FBXL7: variants seen among roughly 807,000 people sequenced by gnomAD.
The protein encoded by FBXL7 is F-box/LRR-repeat protein 7.
A neutral mutation model predicts 38.3 loss-of-function variants in FBXL7; 12 were observed. The ratio of observed to expected loss-of-function variants is 0.31; its 90% CI spans 0.20 to 0.51. The LOEUF (loss-of-function observed/expected upper bound fraction) is 0.51, where lower values mean the gene tolerates loss of function less well. FBXL7 is among the 20% of genes least tolerant of loss of function. FBXL7 has a pLI of 0.98. For missense variants in FBXL7, 567 were observed against 676.4 expected (o/e 0.84, Z 1.79); for synonymous variants, 297 against 300.9 (o/e 0.99, Z 0.13).
chr5:15,871,354 C>G (rs894065568), intron 2 of FBXL7, among the ~76,000 whole-genome samples: 9 of 152,166 alleles, frequency 5.9e-5, no homozygotes, highest in African/African-American at 9.7e-5. Context: ...AAAACCAGCA[C>G]AAAAAGGCTG....
intron 2 of FBXL7, among the ~76,000 whole-genome samples, chr5:15,838,351 T>G (rs192659898): frequency 6.6e-6 from 1 of 152,328 alleles, no homozygotes. Context: ...ATCATCTCAT[T>G]GTGTCCTCAT....
chr5:15,573,674 T>A (rs1273826201), intron 1 of FBXL7, among the ~76,000 whole-genome samples: 1 of 152,166 alleles, frequency 6.6e-6, no homozygotes, highest in African/African-American at 2.4e-5. Flanking sequence ...AAGCAGATAG[T>A]TTCTGTTGTT....
chr5:15,876,585 G>A (rs573135576), intron 2 of FBXL7, among the ~76,000 whole-genome samples: 2 of 152,090 alleles, frequency 1.3e-5, no homozygotes, highest in Non-Finnish European at 2.9e-5. Context: ...TATTAGAAAC[G>A]TGAAACTTAG....
intron 2 of FBXL7, among the ~76,000 whole-genome samples, chr5:15,754,867 G>T (rs536457180): frequency 2.6e-4 from 40 of 152,204 alleles, no homozygotes; most frequent in Admixed American, 7.9e-4. Flanking sequence ...AGGTTTTCAA[G>T]TACATTTCAG....
At chr5:15,645,016 A>G (rs1486132243) in intron 2 of FBXL7, among the ~76,000 whole-genome samples, 2 of 152,158 alleles carry the variant, frequency 1.3e-5, no homozygotes, top group Non-Finnish European at 2.9e-5. Context: ...AGCAATTTTC[A>G]TGGGCTAAAT....
intron 1 of FBXL7, among the ~76,000 whole-genome samples, chr5:15,534,423 C>T (rs766269999): frequency 3.9e-5 from 6 of 152,058 alleles, no homozygotes; most frequent in Non-Finnish European, 7.3e-5. Context: ...TAGTATGTAG[C>T]CTTTTCAGAT....
At chr5:15,540,862 G>C (rs754871650) in intron 1 of FBXL7, among the ~76,000 whole-genome samples, 1 of 152,070 alleles carries the variant, frequency 6.6e-6, no homozygotes, top group Non-Finnish European at 1.5e-5. Flanking sequence ...CCACCATCAT[G>C]AGCTAATTAC....
chr5:15,673,049 G>A (rs1481329872), intron 2 of FBXL7, among the ~76,000 whole-genome samples: 2 of 152,048 alleles, frequency 1.3e-5, no homozygotes, highest in Non-Finnish European at 2.9e-5. Context: ...TATAGTGGCC[G>A]GGTGCAGTGG....
chr5:15,793,190 C>A lies in FBXL7; in HGVS notation c.128-134700C>A, dbSNP rs545230208. 2.6e-5 allele frequency among the ~76,000 whole-genome samples: 4 copies of A among 152,136 alleles called. No homozygotes were observed. In the South Asian group the frequency reaches 8.3e-4, roughly 31 times the overall value. On this transcript the variant is annotated intron_variant, in intron 2 of 3. Transcript: ENST00000504595. ...CCCAAGTGAGGAAGTGTCTTCCTCT[C>A]CTAGGGCCGCTGTACCAAATACTGC...
chr5:15,678,833 G>C (rs1742746324), intron 2 of FBXL7, among the ~76,000 whole-genome samples: 1 of 152,190 alleles, frequency 6.6e-6, no homozygotes. Context: ...ATGTGGAACT[G>C]GGAGTCCATT....
chr5:15,570,702 C>T (rs930047106), intron 1 of FBXL7, among the ~76,000 whole-genome samples: 2 of 152,220 alleles, frequency 1.3e-5, no homozygotes, highest in Non-Finnish European at 2.9e-5. Context: ...TGGTTTCCTG[C>T]AGCTCCACAC....
In FBXL7 at chr5:15,541,429, A is replaced by ATGTGTGTG. The variant is rs1269400393; in HGVS notation, c.37+40717_37+40718insGTGTGTGT. On this transcript the variant is annotated intron_variant, in intron 1 of 3. Transcript: ENST00000504595. ...ATGTGTATATATATACATATAGTATATATGTGTGTGTGTGTATATATATAT... is the reference window on the plus strand; with the variant it reads ...ATGTGTATATATATACATATAGTATATGTGTGTGTATGTGTGTGTGTGTATATATATAT... 6.3e-3 allele frequency among the ~76,000 whole-genome samples: 591 copies of ATGTGTGTG among 93,764 alleles called. 18 individuals carry two copies. Among genetic ancestry groups the ATGTGTGTG allele is most frequent in the African/African-American group, 0.027 (576 of 21,584 alleles). 61.5% of individuals were successfully genotyped at this position (93,764 alleles called of 152,430 possible). A position where few individuals can be genotyped will look rare whatever the true frequency, so the allele number is the denominator to read the frequency against.
intron 1 of FBXL7, among the ~76,000 whole-genome samples, chr5:15,590,534 T>C (rs189537002): frequency 1.3e-5 from 2 of 152,230 alleles, no homozygotes; most frequent in African/African-American, 2.4e-5. Flanking sequence ...TTTATCTGTC[T>C]TCTCTAGCCC....
chr5:15,692,986 G>C (rs1474311616), intron 2 of FBXL7, among the ~76,000 whole-genome samples: 4 of 152,094 alleles, frequency 2.6e-5, no homozygotes, highest in African/African-American at 9.7e-5. Flanking sequence ...GAACCAGTTG[G>C]AGTAATGCTG....
rs147208227 is a variant in FBXL7 at position 15,651,537 on chromosome 5, G to A, written c.127+35465G>A. Among the ~76,000 whole-genome samples, 373 of 152,314 alleles carry A rather than the reference G, an allele frequency of 2.4e-3. 1 individual carries two copies. Among genetic ancestry groups the A allele is most frequent in the African/African-American group, 8.3e-3 (346 of 41,562 alleles). ...GAGCTCTTGGATGACCAGATGCATT[G>A]TCAGTGAACGGTAATATTTTCAAAG... On this transcript the variant is annotated intron_variant, in intron 2 of 3. Coordinates refer to ENST00000504595, the MANE Select transcript of FBXL7 (RefSeq NM_012304.5).
chr5:15,641,941 T>TTGTGTGTGTG (rs199980981), intron 2 of FBXL7, among the ~76,000 whole-genome samples: 27 of 141,616 alleles, frequency 1.9e-4, no homozygotes, highest in African/African-American at 4.2e-4. Flanking sequence ...ACATAAAACC[T>TTGTGTGTGTG]TGTGTGTGTG....
intron 2 of FBXL7, among the ~76,000 whole-genome samples, chr5:15,750,473 A>G (rs956011096): frequency 6.6e-6 from 1 of 152,276 alleles, no homozygotes; most frequent in Non-Finnish European, 1.5e-5. Context: ...GTTTAGTGTA[A>G]AGGGAAGCAT....
intron 1 of FBXL7, among the ~76,000 whole-genome samples, chr5:15,599,861 G>C (rs1480984609): frequency 6.6e-6 from 1 of 152,148 alleles, no homozygotes; most frequent in African/African-American, 2.4e-5. Context: ...TTCTCAGAAA[G>C]GGTTGCAGCC....
chr5:15,686,306 C>G (rs561171144), intron 2 of FBXL7, among the ~76,000 whole-genome samples: 3 of 152,084 alleles, frequency 2.0e-5, no homozygotes, highest in Admixed American at 1.3e-4. Flanking sequence ...CTTTTTGTTT[C>G]GTTGTTCATT....
Sources: allele counts gnomAD v4.1 joint callset (sites outside exome capture counted in the v4.1 genomes callset), GRCh38; gene constraint gnomAD v4.1.1; transcripts MANE v1.5; gene names NCBI Gene and HGNC (gene_info 2026-07-23, HGNC 2026-07-21).